Variants in ARFGEF2 observed in about 807,000 individuals in gnomAD.
ARFGEF2 encodes the protein ARF guanine nucleotide exchange factor 2.
ARFGEF2 carries 74 observed loss-of-function variants against 219.9 expected under a neutral mutation model. The ratio of observed to expected loss-of-function variants is 0.34; its 90% confidence interval spans 0.28 to 0.41. The LOEUF (loss-of-function observed/expected upper bound fraction) is 0.41, where lower values mean the gene tolerates loss of function less well. Ranked by LOEUF, ARFGEF2 falls within the 10% of genes least tolerant of loss-of-function variation. The pLI, the probability that ARFGEF2 is intolerant of heterozygous loss-of-function variation, is 1.00. For synonymous variants in ARFGEF2, 733 were observed against 799.2 expected (o/e 0.92, Z 1.40); for missense variants, 1,743 against 2,218.3 (o/e 0.79, Z 4.30).
chr20:48,941,479 T>A (rs1239022538), intron 2 of ARFGEF2, among the ~76,000 whole-genome samples: 1 of 152,226 alleles, frequency 6.6e-6, no homozygotes, highest in Non-Finnish European at 1.5e-5. Flanking sequence ...CTGTTGTATC[T>A]TTTCTTAACA....
intron 3 of ARFGEF2, among the ~76,000 whole-genome samples, chr20:48,947,951 A>G (rs770373848): frequency 3.3e-5 from 5 of 152,326 alleles, no homozygotes; most frequent in Admixed American, 2.0e-4. Flanking sequence ...TAAAATTCTA[A>G]CATTTTCTTT....
At chr20:48,983,926 A>G (rs1342003283) in intron 14 of ARFGEF2, among the ~76,000 whole-genome samples, 1 of 152,132 alleles carries the variant, frequency 6.6e-6, no homozygotes, top group Non-Finnish European at 1.5e-5. Flanking sequence ...CAGGAAATAA[A>G]AAATGGGCTG....
intron 26 of ARFGEF2, among the ~76,000 whole-genome samples, chr20:49,007,778 G>C (rs529036364): frequency 6.6e-6 from 1 of 151,968 alleles, no homozygotes; most frequent in South Asian, 2.1e-4. Flanking sequence ...CCAGAGTCTG[G>C]CATCACCCTT....
At position 48,989,666 on chromosome 20, in the gene ARFGEF2, C is replaced by A. The variant is rs1372712604; in HGVS notation, c.2796C>A (p.Ala932=). 1 of 1,614,204 alleles carries A rather than the reference C, an allele frequency of 6.2e-7. No homozygotes were observed. ...LEGIRCAIRI[A]CIFGMQLERD... ...GCATCCGATGTGCAATCCGAATCGC[C>A]TGCATCTTTGGAATGCAGGTAGGTG... Residue 932 remains alanine (A), a synonymous_variant, in exon 20 of 39, where the codon GCC becomes GCA. Coordinates refer to ENST00000371917, the MANE Select transcript of ARFGEF2 (RefSeq NM_006420.3).
At position 48,966,035 on chromosome 20, in the gene ARFGEF2, A is replaced by G. The variant is rs1483833646; in HGVS notation, c.1059+12A>G. 1.2e-6 allele frequency: 2 copies of G among 1,613,842 alleles called. No individual in the cohort carries two copies. Among genetic ancestry groups the G allele is most frequent in the South Asian group, 1.1e-5 (1 of 91,084 alleles). ...CAGCAGATAATCTGGTATGTTGGTG[A>G]TCATCCTCTGTGGACTTATTGCCAT... On this transcript the variant is annotated intron_variant, in intron 8 of 38. Transcript: ENST00000371917.
At chr20:48,979,370 G>A (rs6125509) in intron 14 of ARFGEF2, among the ~76,000 whole-genome samples, 7 of 152,204 alleles carry the variant, frequency 4.6e-5, no homozygotes, top group South Asian at 4.2e-4. Context: ...TGCTGGATTC[G>A]GTTTGCCAGT....
chr20:48,925,969 A>C (rs1192599083), intron 1 of ARFGEF2, among the ~76,000 whole-genome samples: 2 of 152,242 alleles, frequency 1.3e-5, no homozygotes, highest in African/African-American at 4.8e-5. Flanking sequence ...TAAAGATCAC[A>C]TGTTGTATTA....
At chr20:48,989,825 C>A in intron 20 of ARFGEF2, 141 bp downstream of exon 20, 1 of 1,311,782 alleles carries the variant, frequency 7.6e-7, no homozygotes, top group South Asian at 1.2e-5. Flanking sequence ...ACAAGAAATC[C>A]GTAGCTTTGT....
intron 14 of ARFGEF2, 129 bp from the exon 15 acceptor site, chr20:48,984,599 AC>A: frequency 1.7e-6 from 2 of 1,199,782 alleles, no homozygotes; most frequent in Non-Finnish European, 2.5e-6. Flanking sequence ...GCCAGGACAG[AC>A]ATGACCTTGC....
intron 11 of ARFGEF2, 108 bp from the exon 12 acceptor site, chr20:48,973,037 C>T (rs138417024): frequency 7.0e-5 from 88 of 1,257,562 alleles, no homozygotes; most frequent in Middle Eastern, 4.9e-4. Context: ...ATGTGGCCAC[C>T]GGAGTCTGTA....
At chr20:49,003,781 C>T (rs2091438946) in intron 25 of ARFGEF2, among the ~76,000 whole-genome samples, 1 of 152,068 alleles carries the variant, frequency 6.6e-6, no homozygotes, top group Non-Finnish European at 1.5e-5. Flanking sequence ...GTCTGAAAAG[C>T]ACCAGCCAAA....
chr20:48,935,730 C>T (rs1418682046), intron 1 of ARFGEF2, among the ~76,000 whole-genome samples: 1 of 149,010 alleles, frequency 6.7e-6, no homozygotes, highest in African/African-American at 2.5e-5. Flanking sequence ...GGGCTGACAC[C>T]CCCACCTCCC....
chr20:48,996,903 A>G (rs1018573813), intron 23 of ARFGEF2, among the ~76,000 whole-genome samples: 12 of 151,780 alleles, frequency 7.9e-5, no homozygotes, highest in Non-Finnish European at 1.6e-4. Flanking sequence ...CTTCGTACTT[A>G]TTAGCAATCA....
intron 38 of ARFGEF2, 113 bp from the exon 39 acceptor site, chr20:49,032,910 A>G: frequency 1.1e-5 from 12 of 1,100,282 alleles, no homozygotes; most frequent in Non-Finnish European, 1.6e-5. Flanking sequence ...TCTAATAGCA[A>G]GAAAAGCACC....
chr20:48,953,463 A>G, intron 5 of ARFGEF2, 93 bp from the exon 6 acceptor site: 1 of 1,201,626 alleles, frequency 8.3e-7, no homozygotes, highest in South Asian at 1.2e-5. Context: ...GGCGTTAACC[A>G]CCGCGCCCAG....
chr20:48,990,786 A>G (rs767514726), intron 20 of ARFGEF2, among the ~76,000 whole-genome samples: 1 of 152,252 alleles, frequency 6.6e-6, no homozygotes, highest in African/African-American at 2.4e-5. Flanking sequence ...AACATGGGAC[A>G]GGTGAGTTTG....
At chr20:48,939,468 A>G (rs1441309462) in intron 1 of ARFGEF2, among the ~76,000 whole-genome samples, 1 of 152,076 alleles carries the variant, frequency 6.6e-6, no homozygotes. Context: ...CTTGTCACCC[A>G]AGCAGAGCCT....
intron 6 of ARFGEF2, among the ~76,000 whole-genome samples, chr20:48,961,595 G>A (rs1485493487): frequency 6.6e-6 from 1 of 152,056 alleles, no homozygotes; most frequent in Non-Finnish European, 1.5e-5. Flanking sequence ...TGAGCACGGT[G>A]GCTCACACCT....
chr20:48,923,786 C>T (rs1254491004), intron 1 of ARFGEF2, among the ~76,000 whole-genome samples: 2 of 152,160 alleles, frequency 1.3e-5, no homozygotes, highest in Non-Finnish European at 2.9e-5. Context: ...CCAAAGTGTG[C>T]ATCATATTAT....
Sources: gnomAD v4.1 joint callset for allele counts (sites outside exome capture counted in the v4.1 genomes callset) on GRCh38, gnomAD v4.1.1 for gene constraint, MANE v1.5 for transcripts, NCBI Gene and HGNC (gene_info 2026-07-23, HGNC 2026-07-21) for gene names.